Variants in CCDC171 observed in about 807,000 individuals in gnomAD.
CCDC171 encodes the protein coiled-coil domain containing 171, also known as coiled-coil domain-containing protein 171.
CCDC171 carries 177 observed loss-of-function variants against 168.2 expected under a neutral mutation model. The ratio of observed to expected loss-of-function variants is 1.05; its 90% confidence interval spans 0.93 to 1.19. The LOEUF is 1.19. CCDC171 is among the 50% of genes most tolerant of loss of function. The probability of loss-of-function intolerance (pLI) is 0.00; values close to 1 mark genes in which losing one functional copy is unlikely to be tolerated. For synonymous variants in CCDC171, 687 were observed against 540.8 expected (o/e 1.27, Z -3.75); for missense variants, 1,991 against 1,539.0 (o/e 1.29, Z -4.91).
intron 25 of CCDC171, among the ~76,000 whole-genome samples, chr9:15,939,552 G>C (rs1358308265): frequency 6.6e-6 from 1 of 151,720 alleles, no homozygotes; most frequent in African/African-American, 2.4e-5. Context: ...AAAAGTATAG[G>C]GTAGTTATTT....
rs903132843 is a variant in CCDC171 at position 15,810,076 on chromosome 9, C to T, written c.3267+25382C>T. ...CACTGATTGGTGCATCCACTAACCC[C>T]GAGCTAGACACAGAGTGCTGATTGG... On this transcript the variant is annotated intron_variant, in intron 21 of 25. Transcript: ENST00000380701. Among the ~76,000 whole-genome samples the T allele has an allele frequency of 8.0e-4, 121 of 151,920 alleles. 1 individual carries two copies. Among genetic ancestry groups the T allele is most frequent in the African/African-American group, 2.7e-3 (111 of 41,408 alleles).
intron 21 of CCDC171, among the ~76,000 whole-genome samples, chr9:15,790,125 C>T (rs200120884): frequency 5.9e-5 from 9 of 152,144 alleles, no homozygotes; most frequent in South Asian, 2.1e-4. Context: ...AGTAATGGGA[C>T]GGCTGGGTCA....
intron 1 of CCDC171, among the ~76,000 whole-genome samples, chr9:16,043,224 A>G (rs1833601374): frequency 6.6e-6 from 1 of 152,160 alleles, no homozygotes; most frequent in African/African-American, 2.4e-5. Context: ...TGTAAAATCC[A>G]TTGTGTAATA....
At chr9:15,658,771 A>G (rs2048116236) in intron 8 of CCDC171, among the ~76,000 whole-genome samples, 1 of 152,202 alleles carries the variant, frequency 6.6e-6, no homozygotes, top group South Asian at 2.1e-4. Context: ...TAGAGTCTCC[A>G]GAAGGAATGG....
At chr9:15,820,142 T>C (rs1480573165) in intron 21 of CCDC171, among the ~76,000 whole-genome samples, 2 of 117,074 alleles carry the variant, frequency 1.7e-5, no homozygotes, top group Non-Finnish European at 3.8e-5. Context: ...TTGAGACCAA[T>C]GAGAACAAAG....
rs143763657 is a variant in CCDC171 at position 15,891,758 on chromosome 9, C to T, written c.3600+17095C>T. Among the ~76,000 whole-genome samples the T allele has an allele frequency of 2.9e-3, 445 of 152,064 alleles. 2 individuals are homozygous for T. Among genetic ancestry groups the T allele is most frequent in the Non-Finnish European group, 5.4e-3 (365 of 67,974 alleles). ...ATGGAACTCCTGTTCTTTATTTAAC[C>T]CTGTGCTTAATAGGTGACTGGGTGA... is the stretch of plus-strand genomic sequence containing the variant. On this transcript the variant is annotated intron_variant, in intron 24 of 25. Coordinates refer to ENST00000380701, the MANE Select transcript of CCDC171 (RefSeq NM_173550.4).
chr9:15,965,767 C>T (rs1048915312), intron 25 of CCDC171, among the ~76,000 whole-genome samples: 1 of 152,126 alleles, frequency 6.6e-6, no homozygotes, highest in African/African-American at 2.4e-5. Context: ...ATTAGTCTGC[C>T]TCCTTTACAG....
intron 25 of CCDC171, among the ~76,000 whole-genome samples, chr9:15,936,320 AT>A (rs1164238901): frequency 2.0e-5 from 3 of 151,982 alleles, no homozygotes; most frequent in Admixed American, 2.0e-4. Flanking sequence ...AAAGTCAAAA[AT>A]TTTTTCCTGA....
At chr9:15,557,041 A>G (rs2038864766) in intron 1 of CCDC171, among the ~76,000 whole-genome samples, 1 of 152,166 alleles carries the variant, frequency 6.6e-6, no homozygotes, top group South Asian at 2.1e-4. Flanking sequence ...GTCAAAGATC[A>G]GATGGTTGTA....
intron 7 of CCDC171, among the ~76,000 whole-genome samples, chr9:15,648,137 T>C (rs2047198559): frequency 1.3e-5 from 2 of 152,068 alleles, no homozygotes. Flanking sequence ...ACAGAACCAA[T>C]GACAAAAATC....
intron 21 of CCDC171, among the ~76,000 whole-genome samples, chr9:15,804,120 A>C (rs1241596710): frequency 3.9e-5 from 6 of 151,992 alleles, no homozygotes; most frequent in Admixed American, 3.3e-4. Flanking sequence ...TCAGCTTGAG[A>C]AGCTTTTGGG....
At position 15,600,637 on chromosome 9, in the gene CCDC171, G is replaced by C. The variant is rs150534915; in HGVS notation, c.675+6465G>C. Among the ~76,000 whole-genome samples, 13 of 152,318 alleles carry C rather than the reference G, an allele frequency of 8.5e-5. No homozygotes were observed. The East Asian group carries it at 2.5e-3, about 29-fold the overall frequency. ...GTTCTCAGATCTCCAGCTGCATGCT[G>C]GGAGAACTGCTACTCTCTTCAAAGC... On this transcript the variant is annotated intron_variant, in intron 6 of 25. Coordinates refer to ENST00000380701, the MANE Select transcript of CCDC171 (RefSeq NM_173550.4).
At chr9:15,594,537 A>G (rs2042206248) in intron 6 of CCDC171, among the ~76,000 whole-genome samples, 1 of 152,168 alleles carries the variant, frequency 6.6e-6, no homozygotes, top group Non-Finnish European at 1.5e-5. Context: ...ATAGTGTAGT[A>G]ATTTTTGAAC....
intron 18 of CCDC171, among the ~76,000 whole-genome samples, chr9:15,766,298 A>G: frequency 6.6e-6 from 1 of 152,096 alleles, no homozygotes; most frequent in East Asian, 1.9e-4. Flanking sequence ...AACATTCATG[A>G]AATTTGTTAG....
chr9:16,041,100 A>T (rs1325437454), upstream of CCDC171, among the ~76,000 whole-genome samples: 1 of 152,234 alleles, frequency 6.6e-6, no homozygotes. Flanking sequence ...AAGATGTTTA[A>T]TGAAAGTTCA....
chr9:15,778,254 G>A (rs1476799499), intron 19 of CCDC171, among the ~76,000 whole-genome samples: 20 of 139,718 alleles, frequency 1.4e-4, no homozygotes, highest in South Asian at 4.7e-4. Context: ...CCGAGATTGC[G>A]CCACTGCAGT....
chr9:15,587,631 C>T (rs770525471), intron 4 of CCDC171: 3 of 456,530 alleles, frequency 6.6e-6, no homozygotes, highest in East Asian at 6.9e-5. Flanking sequence ...ATGAGCCATC[C>T]AGATCCTTCT....
At chr9:15,695,192 T>C in intron 10 of CCDC171, 43 bp from the exon 11 acceptor site, 1 of 1,308,004 alleles carries the variant, frequency 7.6e-7, no homozygotes, top group Admixed American at 1.7e-5. Flanking sequence ...ATGCAGCTCT[T>C]ATAATACGTG....
At position 16,049,818 on chromosome 9, in the gene CCDC171, C is replaced by A. The variant is rs191324770; in HGVS notation, n.89+6932C>A. Among the ~76,000 whole-genome samples the A allele has an allele frequency of 2.4e-3, 367 of 152,280 alleles. 1 individual carries two copies. Among genetic ancestry groups the A allele is most frequent in the Admixed American group, 4.4e-3 (67 of 15,304 alleles). On this transcript the variant is annotated intron_variant and non_coding_transcript_variant, in intron 1 of 1. Coordinates refer to the CCDC171 transcript ENST00000478913. ...GATCTATATCAATATCCTATTGGTT[C>A]TGTCTCTCTGGAGAACCCTGACTAA...
Sources: gnomAD v4.1 joint callset for allele counts (sites outside exome capture counted in the v4.1 genomes callset) on GRCh38, gnomAD v4.1.1 for gene constraint, MANE v1.5 for transcripts, NCBI Gene and HGNC (gene_info 2026-07-23, HGNC 2026-07-21) for gene names.